PPM1L: variants seen among roughly 807,000 people sequenced by gnomAD.
PPM1L encodes protein phosphatase 1L.
A neutral mutation model predicts 31.4 loss-of-function variants in PPM1L; 13 were observed. That is an observed-to-expected ratio of 0.41 (90% confidence interval 0.27 to 0.66). PPM1L has a LOEUF of 0.66. Among genes scored for constraint, PPM1L ranks in the 30% least tolerant of loss-of-function variants. The probability of loss-of-function intolerance (pLI) is 0.29; values close to 1 mark genes in which losing one functional copy is unlikely to be tolerated. For synonymous variants in PPM1L, 184 were observed against 175.4 expected (o/e 1.05, Z -0.39); for missense variants, 326 against 453.7 (o/e 0.72, Z 2.56).
chr3:160,774,487 G>A (rs1429682896), intron 1 of PPM1L, among the ~76,000 whole-genome samples: 2 of 151,980 alleles, frequency 1.3e-5, no homozygotes, highest in African/African-American at 4.8e-5. Context: ...ATTATATATT[G>A]TTTCTTTTTT....
rs996318186 is a variant in PPM1L at position 161,075,770 on chromosome 3, A to C, written c.*6613A>C. ...CTTTCTGTACTTACGCTCTTAGTGA[A>C]GGAGATAACATTGAAGTGAGAAAAT... On this transcript the variant is annotated 3_prime_UTR_variant, in exon 4 of 4. Coordinates refer to ENST00000498165, the MANE Select transcript of PPM1L (RefSeq NM_139245.4). The C allele has an allele frequency of 6.6e-6, 1 of 152,216 alleles. No homozygotes were observed. The highest frequency in any genetic ancestry group is 1.5e-5 in the Non-Finnish European group (1 of 68,018). 9.4% of individuals were successfully genotyped at this position (152,216 alleles called of 1,614,324 possible).
At chr3:160,807,514 A>T (rs562197128) in intron 1 of PPM1L, among the ~76,000 whole-genome samples, 1 of 152,202 alleles carries the variant, frequency 6.6e-6, no homozygotes, top group South Asian at 2.1e-4. Flanking sequence ...TTTCTTCCAT[A>T]TTCTTCTTTG....
rs188927958 is a variant in PPM1L, at chr3:160,962,999, T to C, written c.574+1089T>C. Among the ~76,000 whole-genome samples the C allele has an allele frequency of 3.7e-4, 56 of 151,824 alleles. No homozygotes were observed. In the East Asian group the frequency reaches 0.01, roughly 28 times the overall value. On this transcript the variant is annotated intron_variant, in intron 2 of 3. Transcript: ENST00000498165. ...CTTTTTTTTTTGTTTTCCAGACACA[T>C]TGGCTTTCTTCTGCCTAGCATTTTT...
intron 1 of PPM1L, among the ~76,000 whole-genome samples, chr3:160,826,863 A>C (rs2108094659): frequency 6.6e-6 from 1 of 152,304 alleles, no homozygotes; most frequent in Admixed American, 6.5e-5. Context: ...ATAAATAGAG[A>C]TCAGCTAATT....
chr3:160,978,056 C>T (rs142486856), intron 2 of PPM1L, among the ~76,000 whole-genome samples: 40 of 152,256 alleles, frequency 2.6e-4, no homozygotes, highest in African/African-American at 7.5e-4. Flanking sequence ...GAGTGAGGGG[C>T]ACTGGGAATG....
chr3:160,849,945 T>A (rs1486151848), intron 1 of PPM1L, among the ~76,000 whole-genome samples: 4 of 151,246 alleles, frequency 2.6e-5, no homozygotes, highest in Non-Finnish European at 1.5e-5. Flanking sequence ...TATGTGGAGG[T>A]TTTTCCTACA....
intron 1 of PPM1L, among the ~76,000 whole-genome samples, chr3:160,907,067 C>A (rs563543743): frequency 2.0e-4 from 30 of 152,234 alleles, no homozygotes; most frequent in South Asian, 4.2e-4. Context: ...ATAGCAGGGG[C>A]TCAGATTATT....
At chr3:160,910,882 C>T (rs984908644) in intron 1 of PPM1L, among the ~76,000 whole-genome samples, 1 of 152,144 alleles carries the variant, frequency 6.6e-6, no homozygotes, top group African/African-American at 2.4e-5. Flanking sequence ...CCATGGTAAA[C>T]AATTTCTTTG....
At chr3:160,832,753 A>T (rs1401218001) in intron 1 of PPM1L, among the ~76,000 whole-genome samples, 4 of 152,064 alleles carry the variant, frequency 2.6e-5, no homozygotes, top group African/African-American at 9.7e-5. Flanking sequence ...CCAGTATTTT[A>T]TTATTAATTT....
intron 2 of PPM1L, among the ~76,000 whole-genome samples, chr3:161,056,185 T>TA (rs1719403380): frequency 6.6e-6 from 1 of 152,020 alleles, no homozygotes; most frequent in Admixed American, 6.5e-5. Context: ...TGGCACTACT[T>TA]AAGAGATGCA....
rs199550062 is a variant in PPM1L, at chr3:160,756,579, C to T, written c.271C>T (p.His91Tyr). 18 of 1,614,120 alleles carry T rather than the reference C, an allele frequency of 1.1e-5. No homozygotes were observed. The highest frequency in any genetic ancestry group is 1.4e-5 in the Non-Finnish European group (17 of 1,180,018). ...EFSKTWEFKNHNVAVYSIQGR... is the reference protein window; with the variant it reads ...EFSKTWEFKNYNVAVYSIQGR... ...TTCCAAGACCTGGGAGTTCAAGAACCACAACGTGGCGGTGTACTCCATCCA... is the reference window on the plus strand; with the variant it reads ...TTCCAAGACCTGGGAGTTCAAGAACTACAACGTGGCGGTGTACTCCATCCA... Residue 91 changes from histidine to tyrosine, a missense_variant, in exon 1 of 4, where the codon CAC (histidine) becomes TAC (tyrosine). Coordinates refer to ENST00000498165, the MANE Select transcript of PPM1L (RefSeq NM_139245.4). This position sits in a 1 kb window ranked among gnomAD's most constrained non-coding sequence, Gnocchi z 6.2.
intron 1 of PPM1L, among the ~76,000 whole-genome samples, chr3:160,943,925 A>G (rs1715240926): frequency 6.6e-6 from 1 of 152,190 alleles, no homozygotes; most frequent in African/African-American, 2.4e-5. Context: ...ACCTTGGGGA[A>G]TATAAGGAAA....
At chr3:160,785,776 G>C (rs1164483227) in intron 1 of PPM1L, among the ~76,000 whole-genome samples, 2 of 148,630 alleles carry the variant, frequency 1.3e-5, no homozygotes, top group African/African-American at 5.0e-5. Flanking sequence ...CATGTAAGTT[G>C]TTCCTTCATT....
intron 1 of PPM1L, among the ~76,000 whole-genome samples, chr3:160,778,475 A>G (rs967557718): frequency 2.0e-5 from 3 of 152,162 alleles, no homozygotes; most frequent in African/African-American, 4.8e-5. Context: ...TGTTGAGCCA[A>G]TCTAAACACA....
intron 2 of PPM1L, among the ~76,000 whole-genome samples, chr3:161,025,132 T>G (rs963588329): frequency 6.6e-6 from 1 of 152,288 alleles, no homozygotes; most frequent in South Asian, 2.1e-4. Flanking sequence ...AAGTCTCTTA[T>G]GTATAGGTGC....
chr3:161,017,636 T>G (rs1375382844), intron 2 of PPM1L, among the ~76,000 whole-genome samples: 2 of 152,136 alleles, frequency 1.3e-5, no homozygotes, highest in African/African-American at 4.8e-5. Flanking sequence ...ATTCCAGTGG[T>G]CAAAGAAAGA....
chr3:161,062,195 C>T (rs887973976), intron 2 of PPM1L, among the ~76,000 whole-genome samples: 6 of 151,936 alleles, frequency 3.9e-5, no homozygotes, highest in African/African-American at 9.7e-5. Context: ...TTTGAGTCCT[C>T]GTCCATGGAA....
At chr3:160,873,641 G>C (rs1296670897) in intron 1 of PPM1L, among the ~76,000 whole-genome samples, 1 of 151,924 alleles carries the variant, frequency 6.6e-6, no homozygotes, top group Non-Finnish European at 1.5e-5. Context: ...TCTGTCCCCC[G>C]GGTTCAAGCA....
chr3:161,017,885 TA>T (rs1325240115), intron 2 of PPM1L, among the ~76,000 whole-genome samples: 1 of 152,212 alleles, frequency 6.6e-6, no homozygotes, highest in Admixed American at 6.5e-5. Context: ...GCACCTGCTT[TA>T]CTCCAATGAA....
Sources: gnomAD v4.1 joint callset for allele counts (sites outside exome capture counted in the v4.1 genomes callset) on GRCh38, gnomAD v4.1.1 for gene constraint, Gnocchi (gnomAD v3.1) non-coding constraint, MANE v1.5 for transcripts, NCBI Gene and HGNC (gene_info 2026-07-23, HGNC 2026-07-21) for gene names.